Variants in TRIQK observed in about 807,000 individuals in gnomAD.
TRIQK encodes triple QxxK/R motif containing, also known as triple QxxK/R motif-containing protein.
Under a neutral mutation model 10.8 loss-of-function variants are expected in TRIQK, and 10 were observed. That is an observed-to-expected ratio of 0.92 (90% confidence interval 0.57 to 1.57). TRIQK has a LOEUF of 1.57. Among genes scored for constraint, TRIQK ranks in the 40% most tolerant of loss-of-function variants. The pLI, the probability that TRIQK is intolerant of heterozygous loss-of-function variation, is 0.00. For synonymous variants in TRIQK, 33 were observed against 33.7 expected (o/e 0.98, Z 0.07); for missense variants, 107 against 97.7 (o/e 1.09, Z -0.40).
intron 1 of TRIQK, among the ~76,000 whole-genome samples, chr8:92,963,140 T>G (rs1248180600): frequency 6.6e-6 from 1 of 152,186 alleles, no homozygotes; most frequent in African/African-American, 2.4e-5. Context: ...CAGAGTTGAA[T>G]AAAGAAAGAG....
chr8:92,916,849 G>C (rs1433100632), intron 3 of TRIQK, 80 bp downstream of exon 3: 11 of 1,092,536 alleles, frequency 1.0e-5, no homozygotes, highest in Non-Finnish European at 1.2e-5. Context: ...ATGTATTAGA[G>C]AAAATTTATT....
intron 2 of TRIQK, among the ~76,000 whole-genome samples, chr8:92,945,128 A>G (rs1026682272): frequency 6.6e-6 from 1 of 152,142 alleles, no homozygotes; most frequent in African/African-American, 2.4e-5. Context: ...CCATTATCCT[A>G]TGTTGGGCCC....
intron 4 of TRIQK, 126 bp downstream of exon 4, chr8:92,891,863 T>A (rs983853668): frequency 1.5e-6 from 1 of 669,484 alleles, no homozygotes; most frequent in Middle Eastern, 4.0e-4. Context: ...AACCTTTAAG[T>A]CTGGCATTCT....
intron 2 of TRIQK, among the ~76,000 whole-genome samples, chr8:92,944,502 T>C (rs1424267367): frequency 6.6e-6 from 1 of 151,988 alleles, no homozygotes; most frequent in African/African-American, 2.4e-5. Context: ...ATGAAGCATA[T>C]ATATGGAATG....
chr8:92,924,492 T>C (rs1245742863), intron 2 of TRIQK, among the ~76,000 whole-genome samples: 1 of 152,044 alleles, frequency 6.6e-6, no homozygotes, highest in African/African-American at 2.4e-5. Context: ...TTGCTTTAAA[T>C]GTCTTTTCAA....
At chr8:93,017,110 G>A (rs1813390752) in intron 1 of TRIQK, among the ~76,000 whole-genome samples, 1 of 93,338 alleles carries the variant, frequency 1.1e-5, no homozygotes, top group African/African-American at 4.1e-5. Context: ...ATATATACTT[G>A]GAGAGAGAGA....
intron 1 of TRIQK, among the ~76,000 whole-genome samples, chr8:92,956,022 G>A (rs918600566): frequency 6.6e-6 from 1 of 151,626 alleles, no homozygotes; most frequent in South Asian, 2.1e-4. Flanking sequence ...AAAAATGCAC[G>A]GAGTTACCAC....
intron 3 of TRIQK, among the ~76,000 whole-genome samples, chr8:92,894,119 A>C (rs1370283163): frequency 1.3e-5 from 2 of 152,284 alleles, no homozygotes; most frequent in East Asian, 1.9e-4. Flanking sequence ...TTAACATTTG[A>C]AACTGTATTT....
intron 1 of TRIQK, among the ~76,000 whole-genome samples, chr8:92,999,688 G>C (rs975908683): frequency 2.0e-5 from 3 of 152,136 alleles, no homozygotes; most frequent in Admixed American, 6.5e-5. Flanking sequence ...GAGTGTTAAA[G>C]TAATATAAAT....
At chr8:93,005,848 G>C (rs557026174) in intron 1 of TRIQK, among the ~76,000 whole-genome samples, 1 of 151,986 alleles carries the variant, frequency 6.6e-6, no homozygotes, top group Non-Finnish European at 1.5e-5. Context: ...CTCCAAATTG[G>C]AAAAGAGGAA....
chr8:92,998,800 A>G (rs1813179222), intron 1 of TRIQK, among the ~76,000 whole-genome samples: 1 of 152,146 alleles, frequency 6.6e-6, no homozygotes, highest in Admixed American at 6.5e-5. Flanking sequence ...AGTCAGACAA[A>G]TAAGACAACA....
At chr8:92,957,368 A>G (rs987643155) in intron 1 of TRIQK, among the ~76,000 whole-genome samples, 2 of 151,808 alleles carry the variant, frequency 1.3e-5, no homozygotes, top group Non-Finnish European at 2.9e-5. Flanking sequence ...ATATACACAT[A>G]TATATGTGAA....
chr8:92,907,695 C>T (rs1036841638), intron 3 of TRIQK, among the ~76,000 whole-genome samples: 4 of 151,754 alleles, frequency 2.6e-5, no homozygotes, highest in Non-Finnish European at 4.4e-5. Context: ...ACTTTAAAAG[C>T]CATTTTAAGT....
chr8:92,981,844 T>C (rs1812989828), intron 1 of TRIQK, among the ~76,000 whole-genome samples: 1 of 151,864 alleles, frequency 6.6e-6, no homozygotes, highest in Non-Finnish European at 1.5e-5. Context: ...AAGAGATATC[T>C]TTCTCATTTT....
intron 2 of TRIQK, among the ~76,000 whole-genome samples, chr8:92,918,379 A>G (rs1809981555): frequency 6.6e-6 from 1 of 151,874 alleles, no homozygotes; most frequent in South Asian, 2.1e-4. Flanking sequence ...CATCCCCACC[A>G]ACACTTGTTA....
chr8:93,000,318 C>T (rs1457030203), intron 1 of TRIQK, among the ~76,000 whole-genome samples: 3 of 152,150 alleles, frequency 2.0e-5, no homozygotes, highest in Admixed American at 2.0e-4. Context: ...CTTTAATGGA[C>T]TCACAGTTCT....
intron 1 of TRIQK, among the ~76,000 whole-genome samples, chr8:92,984,493 A>G (rs1875882): frequency 0.18 from 27,690 of 152,126 alleles, 3,123 homozygotes; most frequent in Non-Finnish European, 0.25. Flanking sequence ...TTATTTAGAT[A>G]TGAGAATAAA....
At chr8:92,947,181 G>A (rs950261233) in intron 2 of TRIQK, among the ~76,000 whole-genome samples, 7 of 151,944 alleles carry the variant, frequency 4.6e-5, no homozygotes, top group African/African-American at 1.5e-4. Context: ...TAAGAGACTG[G>A]ACTTTTCTTT....
chr8:92,887,255 T>C (rs907385879), intron 4 of TRIQK, among the ~76,000 whole-genome samples: 6 of 151,458 alleles, frequency 4.0e-5, no homozygotes, highest in African/African-American at 1.5e-4. Context: ...TCATTAAATG[T>C]GACTTTGTTG....
Sources: allele counts gnomAD v4.1 joint callset (sites outside exome capture counted in the v4.1 genomes callset), GRCh38; gene constraint gnomAD v4.1.1; transcripts MANE v1.5; gene names NCBI Gene and HGNC (gene_info 2026-07-23, HGNC 2026-07-21).